Variants in RGS6 observed in about 807,000 individuals in gnomAD.
RGS6 encodes regulator of G protein signaling 6.
Under a neutral mutation model 78.5 loss-of-function variants are expected in RGS6, and 30 were observed. The ratio of observed to expected loss-of-function variants is 0.38; its 90% CI spans 0.29 to 0.52. RGS6 has a LOEUF of 0.52. Among genes scored for constraint, RGS6 ranks in the 20% least tolerant of loss-of-function variants. RGS6 has a pLI of 0.85. For synonymous variants in RGS6, 206 were observed against 206.0 expected (o/e 1.00, Z 0.00); for missense variants, 495 against 609.7 (o/e 0.81, Z 1.98).
Position 72,137,035 on chromosome 14 carries a change from A to G in RGS6, c.84+172160A>G, listed in dbSNP as rs2096454940. On this transcript the variant is annotated intron_variant, in intron 2 of 17. Coordinates refer to ENST00000553525, the MANE Select transcript of RGS6 (RefSeq NM_001204424.2). Reference sequence around the variant, plus strand: ...CTCAGTGCCCCTCTCTATAATCCCAATCCTATACATTTTTAAACAAAGGAA... The same window carrying G: ...CTCAGTGCCCCTCTCTATAATCCCAGTCCTATACATTTTTAAACAAAGGAA... Among the ~76,000 whole-genome samples the G allele has an allele frequency of 2.0e-5, 3 of 152,140 alleles. No homozygotes were observed. In the Middle Eastern group the frequency reaches 0.01, roughly 517 times the overall value.
At chr14:72,294,002 G>T (rs1211161194) in intron 2 of RGS6, among the ~76,000 whole-genome samples, 2 of 152,180 alleles carry the variant, frequency 1.3e-5, no homozygotes, top group African/African-American at 4.8e-5. Flanking sequence ...GGATATGCGG[G>T]CTGTGTCCTG....
intron 15 of RGS6, among the ~76,000 whole-genome samples, chr14:72,524,437 G>A (rs542476482): frequency 2.5e-4 from 38 of 152,326 alleles, no homozygotes; most frequent in African/African-American, 8.9e-4. Flanking sequence ...AGGAAGTATT[G>A]AGAACCTTCA....
chr14:72,123,477 C>G lies in RGS6; in HGVS notation c.84+158602C>G, dbSNP rs114108427. Reference sequence around the variant, plus strand: ...GAGTGTTTAGCTTCTCAGACAATTTCTGCCTCAGTTTCCCCATATTTTAAT... The same window carrying G: ...GAGTGTTTAGCTTCTCAGACAATTTGTGCCTCAGTTTCCCCATATTTTAAT... On this transcript the variant is annotated intron_variant, in intron 2 of 17. Coordinates refer to ENST00000553525, the MANE Select transcript of RGS6 (RefSeq NM_001204424.2). 3.1e-3 allele frequency among the ~76,000 whole-genome samples: 477 copies of G among 152,266 alleles called. 1 individual carries two copies. The highest frequency in any genetic ancestry group is 0.011 in the African/African-American group (457 of 41,554).
chr14:72,290,808 C>T (rs917260991), intron 2 of RGS6, among the ~76,000 whole-genome samples: 1 of 152,232 alleles, frequency 6.6e-6, no homozygotes, highest in Admixed American at 6.5e-5. Flanking sequence ...CTCTCACCAG[C>T]AACACCCTTC....
chr14:72,623,379 C>A, the RGS6 span, among the ~76,000 whole-genome samples: 1 of 151,990 alleles, frequency 6.6e-6, no homozygotes, highest in Non-Finnish European at 1.5e-5. Flanking sequence ...GGTAGCATAA[C>A]CACACAGAGA....
chr14:71,987,339 G>T (rs1008668065), intron 2 of RGS6, among the ~76,000 whole-genome samples: 2 of 152,014 alleles, frequency 1.3e-5, no homozygotes, highest in African/African-American at 4.8e-5. Flanking sequence ...AGTGAGGATG[G>T]GAGGGTGGCT....
chr14:72,383,805 G>T (rs949581461), intron 3 of RGS6, among the ~76,000 whole-genome samples: 18 of 152,066 alleles, frequency 1.2e-4, no homozygotes, highest in African/African-American at 3.9e-4. Flanking sequence ...CAAAGGGTGG[G>T]GGGGGACGGT....
At chr14:72,100,671 C>T (rs995876427) in intron 2 of RGS6, among the ~76,000 whole-genome samples, 3 of 152,168 alleles carry the variant, frequency 2.0e-5, no homozygotes, top group African/African-American at 7.2e-5. Flanking sequence ...TCCCAGCTTA[C>T]TCAGTAAATA....
At chr14:72,512,993 T>C (rs1293512182) in intron 14 of RGS6, among the ~76,000 whole-genome samples, 1 of 152,192 alleles carries the variant, frequency 6.6e-6, no homozygotes, top group Non-Finnish European at 1.5e-5. Context: ...TTGAGGATCC[T>C]GCCAACCTGT....
chr14:72,567,147 G>A (rs2097714289), downstream of RGS6, among the ~76,000 whole-genome samples: 1 of 152,182 alleles, frequency 6.6e-6, no homozygotes, highest in Non-Finnish European at 1.5e-5. Context: ...TGCTCCTAAA[G>A]GTAGAAATGA....
intron 2 of RGS6, among the ~76,000 whole-genome samples, chr14:72,084,686 T>G (rs76958811): frequency 0.033 from 5,096 of 152,188 alleles, 128 homozygotes; most frequent in African/African-American, 0.069. Flanking sequence ...GGGAAGTGCA[T>G]CAGGTGAAAT....
At chr14:72,580,208 A>T in the RGS6 span, among the ~76,000 whole-genome samples, 2 of 151,792 alleles carry the variant, frequency 1.3e-5, no homozygotes, top group East Asian at 3.9e-4. Context: ...CCTGGTAGTG[A>T]CACCTTTCTC....
At chr14:72,365,467 G>A (rs1437836441) in intron 3 of RGS6, among the ~76,000 whole-genome samples, 1 of 152,178 alleles carries the variant, frequency 6.6e-6, no homozygotes, top group Non-Finnish European at 1.5e-5. Context: ...TGGCTTTGTG[G>A]TGTGTTTGTT....
chr14:72,627,306 G>A, the RGS6 span, among the ~76,000 whole-genome samples: 1 of 152,034 alleles, frequency 6.6e-6, no homozygotes, highest in East Asian at 1.9e-4. Flanking sequence ...GATCCCCAAT[G>A]TATTTGGTGA....
chr14:72,524,716 G>A lies in RGS6; in HGVS notation c.1278+6179G>A, dbSNP rs113789677. Among the ~76,000 whole-genome samples, 883 of 151,968 alleles carry A rather than the reference G, an allele frequency of 5.8e-3. 9 individuals are homozygous for A. Among genetic ancestry groups the A allele is most frequent in the African/African-American group, 0.02 (839 of 41,218 alleles). ...GCAGAGGGAAATAACATGAGAAATA[G>A]GAGGCCCAGATGGCTTTTTTTTTGC... On this transcript the variant is annotated intron_variant, in intron 15 of 17. Transcript: ENST00000553525.
upstream of RGS6, among the ~76,000 whole-genome samples, chr14:71,929,357 T>C (rs36332): frequency 0.46 from 69,519 of 152,042 alleles, 16,195 homozygotes; most frequent in Admixed American, 0.52. Flanking sequence ...AGGCCAGTTA[T>C]TTGATTTTTC....
At chr14:72,192,661 G>T (rs934431110) in intron 2 of RGS6, among the ~76,000 whole-genome samples, 1 of 152,122 alleles carries the variant, frequency 6.6e-6, no homozygotes, top group African/African-American at 2.4e-5. Flanking sequence ...GCTCTTAGAG[G>T]CTATTGGGTT....
chr14:72,607,024 T>C, the RGS6 span, among the ~76,000 whole-genome samples: 1 of 152,030 alleles, frequency 6.6e-6, no homozygotes, highest in Non-Finnish European at 1.5e-5. Context: ...AAATTACCCA[T>C]CCTCAGGCAT....
At chr14:72,126,068 G>T (rs2096183897) in intron 2 of RGS6, among the ~76,000 whole-genome samples, 1 of 152,186 alleles carries the variant, frequency 6.6e-6, no homozygotes, top group South Asian at 2.1e-4. Flanking sequence ...GCCTAATCAG[G>T]TTAGCCCTCG....
Sources: allele counts gnomAD v4.1 joint callset (sites outside exome capture counted in the v4.1 genomes callset), GRCh38; gene constraint gnomAD v4.1.1; transcripts MANE v1.5; gene names NCBI Gene and HGNC (gene_info 2026-07-23, HGNC 2026-07-21).